GIGYF2: variants seen among roughly 807,000 people sequenced by gnomAD.
The protein encoded by GIGYF2 is GRB10 interacting GYF protein 2.
In GIGYF2, 25 loss-of-function variants were observed where a neutral mutation model predicts 208.1. That is an observed-to-expected ratio of 0.12 (90% confidence interval 0.09 to 0.17). The LOEUF is 0.17. Among genes scored for constraint, GIGYF2 ranks in the 10% least tolerant of loss-of-function variants. GIGYF2 has a pLI of 1.00. For synonymous variants in GIGYF2, 534 were observed against 543.8 expected, an observed-to-expected ratio of 0.98 and a Z score of 0.25; for missense variants, 1,302 against 1,579.4, an observed-to-expected ratio of 0.82 and a Z score of 2.98.
rs530654258 is a variant in GIGYF2 at position 232,747,611 on chromosome 2, C to T, written c.42-4C>T. On this transcript the variant is annotated splice_region_variant and splice_polypyrimidine_tract_variant and intron_variant, in intron 3 of 28. Coordinates refer to ENST00000373563, the MANE Select transcript of GIGYF2 (RefSeq NM_001103146.3). The stretch of plus-strand genomic sequence containing the variant: ...TGACATATTCTCTGTCTTTTCTATT[C>T]TAGGCTCCGAGCTCTGTCCAGTGGT... 3.1e-6 allele frequency: 5 copies of T among 1,613,910 alleles called. No homozygotes were observed. Among genetic ancestry groups the T allele is most frequent in the Middle Eastern group, 1.7e-4 (1 of 6,058 alleles).
intron 2 of GIGYF2, among the ~76,000 whole-genome samples, chr2:232,728,773 G>C (rs1425420917): frequency 6.6e-6 from 1 of 152,092 alleles, no homozygotes; most frequent in Non-Finnish European, 1.5e-5. Flanking sequence ...GGGAAATAAA[G>C]ATGGGCAAAG....
At chr2:232,796,263 AT>A in intron 14 of GIGYF2, 42 bp downstream of exon 14, 2 of 1,236,440 alleles carry the variant, frequency 1.6e-6, no homozygotes, top group Non-Finnish European at 2.4e-6. Flanking sequence ...AGTGTGTGCC[AT>A]TACCTCCAGA....
chr2:232,767,999 T>G, intron 8 of GIGYF2: 1 of 598,798 alleles, frequency 1.7e-6, no homozygotes, highest in Non-Finnish European at 2.9e-6. Context: ...GGTAACAAAC[T>G]TTGTAATGTA....
intron 2 of GIGYF2, among the ~76,000 whole-genome samples, chr2:232,706,844 A>G (rs1314640905): frequency 1.3e-5 from 2 of 151,244 alleles, no homozygotes; most frequent in Non-Finnish European, 2.9e-5. Context: ...CCTTGGTCCC[A>G]GTTACTTGGG....
chr2:232,824,553 A>G (rs1701191495), intron 21 of GIGYF2, among the ~76,000 whole-genome samples: 1 of 152,210 alleles, frequency 6.6e-6, no homozygotes, highest in South Asian at 2.1e-4. Context: ...GAGAGAGGTG[A>G]TGAAGCTGAA....
At chr2:232,767,683 G>C (rs1327941285) in intron 8 of GIGYF2, 1 of 160,626 alleles carries the variant, frequency 6.2e-6, no homozygotes, top group Non-Finnish European at 1.4e-5. Flanking sequence ...ACTTACTCAA[G>C]TTTCATAGTA....
rs114826553 is a variant in GIGYF2 at position 232,785,455 on chromosome 2, T to C, written c.533-1695T>C. 8.5e-3 allele frequency among the ~76,000 whole-genome samples: 1,289 copies of C among 152,296 alleles called. 22 individuals are homozygous for C. The highest frequency in any genetic ancestry group is 0.029 in the African/African-American group (1,215 of 41,548). ...GGTGGTAAGTCTCAGTTCTTTGCCA[T>C]GCAAGCTTCTCCACGAGGTCTGTGT... On this transcript the variant is annotated intron_variant, in intron 8 of 28. Transcript: ENST00000373563.
intron 26 of GIGYF2, 152 bp from the exon 27 acceptor site, chr2:232,847,196 G>C: frequency 2.7e-6 from 2 of 752,958 alleles, no homozygotes; most frequent in Non-Finnish European, 4.5e-6. Context: ...GTAGATAAAA[G>C]AATATTTAAA....
intron 22 of GIGYF2, among the ~76,000 whole-genome samples, chr2:232,837,920 A>G (rs1184000144): frequency 6.6e-6 from 1 of 152,158 alleles, no homozygotes; most frequent in Non-Finnish European, 1.5e-5. Context: ...GAACAAGAAG[A>G]GTATAGTTTT....
At chr2:232,716,374 GTTTTT>G (rs397988241) in intron 2 of GIGYF2, among the ~76,000 whole-genome samples, 104 of 100,252 alleles carry the variant, frequency 1.0e-3, no homozygotes, top group Non-Finnish European at 1.3e-3. Context: ...GGTGTTATTT[GTTTTT>G]TTTTTTTTTT....
intron 12 of GIGYF2, among the ~76,000 whole-genome samples, chr2:232,793,378 C>G (rs1032630874): frequency 6.6e-6 from 1 of 152,044 alleles, no homozygotes; most frequent in Non-Finnish European, 1.5e-5. Flanking sequence ...TGTCAGGACT[C>G]AGTCATTGAC....
At position 232,820,561 on chromosome 2, in the gene GIGYF2, G is replaced by A. The variant is rs368481866; in HGVS notation, c.2529+576G>A. Among the ~76,000 whole-genome samples the A allele has an allele frequency of 2.0e-4, 30 of 151,892 alleles. No individual in the cohort carries two copies. The East Asian group carries it at 4.9e-3, about 25-fold the overall frequency. ...AATCTCCTGACCTCATGATCCACCC[G>A]CCTCGGCCTCCCAAAGTGCTGGGAT... On this transcript the variant is annotated intron_variant, in intron 21 of 28. Transcript: ENST00000373563.
chr2:232,800,366 G>A (rs995430547), intron 14 of GIGYF2, among the ~76,000 whole-genome samples: 4 of 152,030 alleles, frequency 2.6e-5, no homozygotes, highest in African/African-American at 4.8e-5. Context: ...TCCAAATACC[G>A]TTTGTTAAAA....
At chr2:232,787,812 CAT>C (rs1165827339) in intron 9 of GIGYF2, among the ~76,000 whole-genome samples, 1 of 152,182 alleles carries the variant, frequency 6.6e-6, no homozygotes, top group South Asian at 2.1e-4. Flanking sequence ...AGGTCAGAAA[CAT>C]AATCACAAGT....
intron 8 of GIGYF2, among the ~76,000 whole-genome samples, chr2:232,784,343 G>A (rs1331281143): frequency 6.6e-6 from 1 of 151,162 alleles, no homozygotes; most frequent in Non-Finnish European, 1.5e-5. Flanking sequence ...GCTGAGTGTG[G>A]TGGCATGTGC....
intron 8 of GIGYF2, chr2:232,767,928 A>G: frequency 2.2e-6 from 1 of 456,358 alleles, no homozygotes; most frequent in Non-Finnish European, 4.0e-6. Context: ...ACATTCTTAT[A>G]AATTCACCAG....
intron 2 of GIGYF2, among the ~76,000 whole-genome samples, chr2:232,711,060 A>G (rs990878102): frequency 3.3e-5 from 5 of 150,310 alleles, no homozygotes; most frequent in African/African-American, 9.8e-5. Context: ...TCTCTAGGGT[A>G]TGTATGTATG....
Position 232,839,955 on chromosome 2 carries a change from G to T in GIGYF2, c.2873G>T (p.Arg958Leu), listed in dbSNP as rs750902099. The change falls in exon 23 of 29, where the codon CGG (arginine) becomes CTG (leucine). Residue 958 changes from arginine to leucine, a missense_variant. By Grantham distance (102) the Arg-to-Leu change is moderately radical. Coordinates refer to ENST00000373563, the MANE Select transcript of GIGYF2 (RefSeq NM_001103146.3). Reference protein sequence around the residue: ...EIQKLEEERERQLREEQRRQQ... With the variant: ...EIQKLEEERELQLREEQRRQQ... ...CAAAAACTAGAGGAAGAACGAGAAC[G>T]GCAGCTTCGAGAAGAGGTAAAATTT... 1 of 1,613,902 alleles carries T rather than the reference G, an allele frequency of 6.2e-7. No individual in the cohort carries two copies. The highest frequency in any genetic ancestry group is 8.5e-7 in the Non-Finnish European group (1 of 1,179,962).
At chr2:232,718,586 T>C (rs1013528231) in intron 2 of GIGYF2, among the ~76,000 whole-genome samples, 1 of 152,228 alleles carries the variant, frequency 6.6e-6, no homozygotes, top group Non-Finnish European at 1.5e-5. Flanking sequence ...CTTGGATGTA[T>C]GTGTAGCAGT....
Sources: allele counts gnomAD v4.1 joint callset (sites outside exome capture counted in the v4.1 genomes callset), GRCh38; gene constraint gnomAD v4.1.1; transcripts MANE v1.5; gene names NCBI Gene and HGNC (gene_info 2026-07-23, HGNC 2026-07-21).